ZCCHC7: variants seen among roughly 807,000 people sequenced by gnomAD.
ZCCHC7 encodes the protein zinc finger CCHC-type containing 7.
In ZCCHC7, 35 loss-of-function variants were observed where a neutral mutation model predicts 52.0. That is an observed-to-expected ratio of 0.67 (90% CI 0.51 to 0.89). ZCCHC7 has a LOEUF of 0.89. Among genes scored for constraint, ZCCHC7 ranks in the 40% least tolerant of loss-of-function variants. The probability of loss-of-function intolerance (pLI) is 0.00; values close to 1 mark genes in which losing one functional copy is unlikely to be tolerated. For synonymous variants in ZCCHC7, 217 were observed against 221.5 expected, an observed-to-expected ratio of 0.98 and a Z score of 0.18; for missense variants, 574 against 649.1, an observed-to-expected ratio of 0.88 and a Z score of 1.26.
At chr9:37,277,054 A>G (rs1055331563) in intron 2 of ZCCHC7, among the ~76,000 whole-genome samples, 8 of 152,162 alleles carry the variant, frequency 5.3e-5, no homozygotes, top group Non-Finnish European at 1.2e-4. Flanking sequence ...TCATTCAACA[A>G]TAATTTGTAG....
intron 2 of ZCCHC7, among the ~76,000 whole-genome samples, chr9:37,151,741 G>T (rs1157279634): frequency 6.6e-6 from 1 of 152,052 alleles, no homozygotes; most frequent in East Asian, 1.9e-4. Flanking sequence ...GGAGGCGGAG[G>T]TTGCAGTGAG....
chr9:37,122,593 A>G (rs1436985496), intron 1 of ZCCHC7, among the ~76,000 whole-genome samples: 3 of 152,250 alleles, frequency 2.0e-5, no homozygotes, highest in South Asian at 2.1e-4. Flanking sequence ...AAATATTGCA[A>G]TGAAGGAAGG....
At chr9:37,245,997 A>C (rs1231203070) in intron 2 of ZCCHC7, among the ~76,000 whole-genome samples, 1 of 152,116 alleles carries the variant, frequency 6.6e-6, no homozygotes, top group African/African-American at 2.4e-5. Flanking sequence ...AAAATCAAGA[A>C]TATCTCAAAG....
chr9:37,276,677 T>C (rs1465899136), intron 2 of ZCCHC7, among the ~76,000 whole-genome samples: 1 of 152,196 alleles, frequency 6.6e-6, no homozygotes, highest in Non-Finnish European at 1.5e-5. Flanking sequence ...GTTTTGGAAA[T>C]TAGAATCTCA....
chr9:37,155,245 C>T (rs138824966), intron 2 of ZCCHC7, among the ~76,000 whole-genome samples: 129 of 151,952 alleles, frequency 8.5e-4, no homozygotes, highest in African/African-American at 2.5e-3. Flanking sequence ...CACGTAGTCC[C>T]GGCTACTCGG....
At chr9:37,188,443 A>G (rs1215896692) in intron 2 of ZCCHC7, among the ~76,000 whole-genome samples, 2 of 150,484 alleles carry the variant, frequency 1.3e-5, no homozygotes, top group Admixed American at 1.3e-4. Flanking sequence ...GTGAGACACC[A>G]TGCCCAGCCC....
At chr9:37,331,740 T>G (rs1830457985) in intron 6 of ZCCHC7, among the ~76,000 whole-genome samples, 1 of 151,662 alleles carries the variant, frequency 6.6e-6, no homozygotes, top group Non-Finnish European at 1.5e-5. Flanking sequence ...CCTGGTTAAT[T>G]GGATATATGT....
chr9:37,158,245 A>G (rs903182287), intron 2 of ZCCHC7, among the ~76,000 whole-genome samples: 83 of 152,356 alleles, frequency 5.4e-4, no homozygotes, highest in African/African-American at 2.0e-3. Context: ...GAAACCAATT[A>G]AAATGCCTCA....
intron 2 of ZCCHC7, among the ~76,000 whole-genome samples, chr9:37,175,341 A>C (rs891801240): frequency 2.0e-5 from 3 of 152,128 alleles, no homozygotes; most frequent in Non-Finnish European, 4.4e-5. Flanking sequence ...TTGTTCTGGC[A>C]GCTCTAGCTT....
rs774094172 is a variant in ZCCHC7 at position 37,126,961 on chromosome 9, A to G, written c.610+19A>G. Reference sequence around the variant, plus strand: ...ACTGAAGGTTAGTATCATATTGGCCATTTTGAAAGTAGTATCATCTTTCAT... The same window carrying G: ...ACTGAAGGTTAGTATCATATTGGCCGTTTTGAAAGTAGTATCATCTTTCAT... On this transcript the variant is annotated intron_variant, in intron 2 of 8. Coordinates refer to ENST00000336755, the MANE Select transcript of ZCCHC7 (RefSeq NM_032226.3). The G allele has an allele frequency of 1.9e-6, 3 of 1,607,620 alleles. No homozygotes were observed. The highest frequency in any genetic ancestry group is 2.5e-6 in the Non-Finnish European group (3 of 1,177,174).
intron 2 of ZCCHC7, among the ~76,000 whole-genome samples, chr9:37,279,929 C>T (rs112495268): frequency 2.0e-5 from 3 of 151,714 alleles, no homozygotes; most frequent in Non-Finnish European, 2.9e-5. Context: ...CCGAGGCGGG[C>T]GGATCACGAG....
At chr9:37,336,886 A>G (rs1830689304) in intron 6 of ZCCHC7, among the ~76,000 whole-genome samples, 1 of 152,054 alleles carries the variant, frequency 6.6e-6, no homozygotes, top group Non-Finnish European at 1.5e-5. Flanking sequence ...CCATGTACTA[A>G]ATGGTTTCTT....
intron 1 of ZCCHC7, among the ~76,000 whole-genome samples, chr9:37,123,441 A>G (rs1415669169): frequency 6.6e-6 from 1 of 152,210 alleles, no homozygotes; most frequent in Non-Finnish European, 1.5e-5. Flanking sequence ...CTTAAAGGCC[A>G]TAGGGGCTAA....
chr9:37,251,505 C>A (rs1047967145), intron 2 of ZCCHC7, among the ~76,000 whole-genome samples: 1 of 152,186 alleles, frequency 6.6e-6, no homozygotes, highest in African/African-American at 2.4e-5. Flanking sequence ...GCTTGCTAAT[C>A]CTTGTGTTGA....
chr9:37,221,928 A>G (rs1054844802), intron 2 of ZCCHC7, among the ~76,000 whole-genome samples: 2 of 152,166 alleles, frequency 1.3e-5, no homozygotes, highest in South Asian at 2.1e-4. Context: ...GCTAGGTTCT[A>G]TAAAAGATTC....
chr9:37,225,968 A>G (rs1384479963), intron 2 of ZCCHC7, among the ~76,000 whole-genome samples: 1 of 152,250 alleles, frequency 6.6e-6, no homozygotes, highest in Admixed American at 6.5e-5. Flanking sequence ...CAATAAAAAG[A>G]AGCTGAAGGC....
intron 2 of ZCCHC7, among the ~76,000 whole-genome samples, chr9:37,215,711 C>T (rs1469088817): frequency 6.6e-6 from 1 of 152,080 alleles, no homozygotes; most frequent in East Asian, 1.9e-4. Context: ...ATGACTGTCA[C>T]CTATTTGAAA....
chr9:37,182,541 T>C (rs1431398148), intron 2 of ZCCHC7, among the ~76,000 whole-genome samples: 1 of 152,086 alleles, frequency 6.6e-6, no homozygotes, highest in Non-Finnish European at 1.5e-5. Context: ...ATTTTTGTAT[T>C]TTTAGTAGAT....
At chr9:37,322,152 CG>C (rs1460150224) in intron 5 of ZCCHC7, 1 of 152,146 alleles carries the variant, frequency 6.6e-6, no homozygotes, top group East Asian at 1.9e-4. Context: ...TTCCATCCAT[CG>C]TGCACATGGA....
Sources: gnomAD v4.1 joint callset for allele counts (sites outside exome capture counted in the v4.1 genomes callset) on GRCh38, gnomAD v4.1.1 for gene constraint, MANE v1.5 for transcripts, NCBI Gene and HGNC (gene_info 2026-07-23, HGNC 2026-07-21) for gene names.